STARD13: variants seen among roughly 807,000 people sequenced by gnomAD.
The protein encoded by STARD13 is stAR-related lipid transfer protein 13.
In STARD13, 62 loss-of-function variants were observed where a neutral mutation model predicts 106.4. That is an observed-to-expected ratio of 0.58 (90% CI 0.48 to 0.72). STARD13 has a LOEUF of 0.72. Ranked by LOEUF, STARD13 falls within the 30% of genes least tolerant of loss-of-function variation. The pLI is 0.00. For synonymous variants in STARD13, 565 were observed against 553.0 expected (o/e 1.02, Z -0.31); for missense variants, 1,387 against 1,424.0 (o/e 0.97, Z 0.42).
the STARD13 span, among the ~76,000 whole-genome samples, chr13:33,456,881 T>G: frequency 2.0e-5 from 3 of 152,222 alleles, no homozygotes; most frequent in Non-Finnish European, 4.4e-5. Flanking sequence ...ATTCCATTTG[T>G]AACAGGCTAC....
At chr13:33,282,584 A>T (rs1891844933) in intron 1 of STARD13, among the ~76,000 whole-genome samples, 1 of 152,208 alleles carries the variant, frequency 6.6e-6, no homozygotes, top group African/African-American at 2.4e-5. Flanking sequence ...TCTTAAATCA[A>T]ATTAACATAA....
intron 1 of STARD13, among the ~76,000 whole-genome samples, chr13:33,198,957 C>T (rs1297072677): frequency 6.6e-6 from 1 of 152,236 alleles, no homozygotes; most frequent in Non-Finnish European, 1.5e-5. Flanking sequence ...TAGCCCCCAT[C>T]TCCTTTTCCA....
chr13:33,106,454 A>C (rs1873717802), intron 13 of STARD13, among the ~76,000 whole-genome samples: 1 of 152,216 alleles, frequency 6.6e-6, no homozygotes, highest in South Asian at 2.1e-4. Flanking sequence ...ACTCTGATTT[A>C]CTGAGTACCT....
intron 3 of STARD13, among the ~76,000 whole-genome samples, chr13:33,157,002 T>A (rs1882057870): frequency 6.6e-6 from 1 of 152,168 alleles, no homozygotes; most frequent in Admixed American, 6.5e-5. Flanking sequence ...ATACTGTACA[T>A]TTTCTGTGAT....
chr13:33,605,266 G>A, the STARD13 span, among the ~76,000 whole-genome samples: 4 of 148,894 alleles, frequency 2.7e-5, no homozygotes, highest in Middle Eastern at 3.2e-3. Context: ...AGAAGAAAAA[G>A]ATAAATTTTA....
At chr13:33,120,624 C>A (rs1271293258) in intron 7 of STARD13, among the ~76,000 whole-genome samples, 1 of 152,126 alleles carries the variant, frequency 6.6e-6, no homozygotes, top group East Asian at 1.9e-4. Context: ...GGAAAATTTT[C>A]TTTCATAAAC....
intron 1 of STARD13, among the ~76,000 whole-genome samples, chr13:33,301,301 C>T (rs530442086): frequency 2.1e-4 from 32 of 152,334 alleles, no homozygotes; most frequent in Admixed American, 3.9e-4. Context: ...TTACTCAGCA[C>T]AGATGGAGCA....
At chr13:33,650,310 C>T in the STARD13 span, among the ~76,000 whole-genome samples, 413 of 148,104 alleles carry the variant, frequency 2.8e-3, no homozygotes, top group Non-Finnish European at 4.5e-3. Flanking sequence ...CCTGCCTCAG[C>T]CTCCCAAGTA....
the STARD13 span, among the ~76,000 whole-genome samples, chr13:33,376,841 A>C: frequency 6.6e-6 from 1 of 150,996 alleles, no homozygotes; most frequent in Non-Finnish European, 1.5e-5. Flanking sequence ...AAGCACCAGG[A>C]CACTGCTCTA....
chr13:33,300,805 C>T (rs983994000), intron 1 of STARD13, among the ~76,000 whole-genome samples: 2 of 152,198 alleles, frequency 1.3e-5, no homozygotes, highest in African/African-American at 2.4e-5. Context: ...GGTCCCTAAT[C>T]GGTTTTGCTC....
the STARD13 span, among the ~76,000 whole-genome samples, chr13:33,450,635 G>T: frequency 6.6e-6 from 1 of 152,126 alleles, no homozygotes; most frequent in Non-Finnish European, 1.5e-5. Context: ...AGTCCTTTAG[G>T]ATCATAACTT....
At chr13:33,623,171 G>T in the STARD13 span, among the ~76,000 whole-genome samples, 2 of 151,878 alleles carry the variant, frequency 1.3e-5, no homozygotes, top group Non-Finnish European at 1.5e-5. Flanking sequence ...CAGTGAGATC[G>T]ATCAGATAAT....
At position 33,129,104 on chromosome 13, in the gene STARD13, T is replaced by C; in HGVS notation, c.1573A>G (p.Thr525Ala). The C allele has an allele frequency of 4.3e-6, 7 of 1,614,136 alleles. No individual in the cohort carries two copies. The highest frequency in any genetic ancestry group is 5.9e-6 in the Non-Finnish European group (7 of 1,180,020). ...GTGATCTGATTAGGAGATGGAAAGG[T>C]GGATAAGCCAGGTTCCCCAACCAAT... Reference protein sequence around the residue: ...DTLVGEPGLSTFPSPNQITLD... With the variant: ...DTLVGEPGLSAFPSPNQITLD... Residue 525 changes from threonine to alanine, a missense_variant, in exon 5 of 14, where the codon ACC (threonine) becomes GCC (alanine). Transcript: ENST00000336934.
At chr13:33,228,713 T>C (rs891198309) in intron 1 of STARD13, among the ~76,000 whole-genome samples, 3 of 152,238 alleles carry the variant, frequency 2.0e-5, no homozygotes, top group Non-Finnish European at 4.4e-5. Context: ...CACCTTCGAA[T>C]ACAAGATTTC....
chr13:33,435,315 C>G, the STARD13 span, among the ~76,000 whole-genome samples: 1 of 152,110 alleles, frequency 6.6e-6, no homozygotes, highest in Admixed American at 6.6e-5. Context: ...TTTAAGTTGG[C>G]AGCTTGCAAG....
the STARD13 span, among the ~76,000 whole-genome samples, chr13:33,445,788 T>C: frequency 2.0e-5 from 3 of 152,214 alleles, no homozygotes; most frequent in Admixed American, 2.0e-4. Context: ...GCCAGGCTCT[T>C]TTTAACGACC....
At chr13:33,201,696 G>T (rs766967534) in intron 1 of STARD13, among the ~76,000 whole-genome samples, 17 of 152,238 alleles carry the variant, frequency 1.1e-4, no homozygotes, top group Non-Finnish European at 2.1e-4. Context: ...TTCTGTCAAA[G>T]AATTTTCAAA....
At chr13:33,302,333 CAT>C (rs1892752554) in intron 1 of STARD13, among the ~76,000 whole-genome samples, 1 of 152,174 alleles carries the variant, frequency 6.6e-6, no homozygotes, top group African/African-American at 2.4e-5. Flanking sequence ...CATTTTTGAA[CAT>C]GTATGTGTCA....
chr13:33,369,752 G>C, the STARD13 span, among the ~76,000 whole-genome samples: 1 of 152,012 alleles, frequency 6.6e-6, no homozygotes, highest in African/African-American at 2.4e-5. Flanking sequence ...GCAGTTGGAA[G>C]AAATTTCCCT....
Sources: allele counts gnomAD v4.1 joint callset (sites outside exome capture counted in the v4.1 genomes callset), GRCh38; gene constraint gnomAD v4.1.1; transcripts MANE v1.5; gene names NCBI Gene and HGNC (gene_info 2026-07-23, HGNC 2026-07-21).